The following EPB41L2 variants were observed in gnomAD, a reference collection of about 807,000 sequenced individuals.
EPB41L2 encodes erythrocyte membrane protein band 4.1 like 2.
EPB41L2 carries 43 observed loss-of-function variants against 113.0 expected under a neutral mutation model. That is an observed-to-expected ratio of 0.38 (90% CI 0.30 to 0.49). The LOEUF (loss-of-function observed/expected upper bound fraction) is 0.49, where lower values mean the gene tolerates loss of function less well. Ranked by LOEUF, EPB41L2 falls within the 20% of genes least tolerant of loss-of-function variation. The pLI is 0.95. For missense variants in EPB41L2, 1,147 were observed against 1,223.4 expected (o/e 0.94, Z 0.93); for synonymous variants, 442 against 436.7 (o/e 1.01, Z -0.15).
chr6:130,975,091 C>T (rs1346527946), intron 1 of EPB41L2, among the ~76,000 whole-genome samples: 1 of 152,052 alleles, frequency 6.6e-6, no homozygotes, highest in Non-Finnish European at 1.5e-5. Flanking sequence ...AAAGCACGTC[C>T]AGTGTCATTT....
intron 1 of EPB41L2, among the ~76,000 whole-genome samples, chr6:131,028,422 T>C (rs1350862000): frequency 6.6e-6 from 1 of 152,218 alleles, no homozygotes; most frequent in Non-Finnish European, 1.5e-5. Flanking sequence ...AATATCCCAA[T>C]GTCTGGTGCT....
intron 1 of EPB41L2, among the ~76,000 whole-genome samples, chr6:130,962,579 T>C (rs982443445): frequency 2.0e-5 from 3 of 152,202 alleles, no homozygotes; most frequent in Admixed American, 2.0e-4. Context: ...CACTTGTTTA[T>C]TTATTTTTAA....
At chr6:131,019,424 T>C (rs998808494) in intron 1 of EPB41L2, among the ~76,000 whole-genome samples, 5 of 152,320 alleles carry the variant, frequency 3.3e-5, no homozygotes, top group Non-Finnish European at 7.4e-5. Flanking sequence ...TCTTGTCATA[T>C]TGTACTGCCA....
chr6:130,987,216 G>A (rs768417434), intron 1 of EPB41L2, among the ~76,000 whole-genome samples: 12 of 152,128 alleles, frequency 7.9e-5, no homozygotes, highest in East Asian at 1.9e-4. Context: ...GTGGTCATAC[G>A]TTTTCATTTC....
intron 4 of EPB41L2, among the ~76,000 whole-genome samples, chr6:130,915,315 T>G (rs1172246625): frequency 6.6e-6 from 1 of 152,188 alleles, no homozygotes; most frequent in Non-Finnish European, 1.5e-5. Context: ...AAAAAAAGAA[T>G]ATCAAGTATT....
At chr6:130,846,817 T>G (rs371224420) in intron 19 of EPB41L2, among the ~76,000 whole-genome samples, 8 of 152,204 alleles carry the variant, frequency 5.3e-5, no homozygotes, top group Admixed American at 3.9e-4. Flanking sequence ...GATACTGAGC[T>G]TCATCTGACT....
At chr6:130,930,281 T>G (rs546976830) in intron 3 of EPB41L2, among the ~76,000 whole-genome samples, 1 of 152,324 alleles carries the variant, frequency 6.6e-6, no homozygotes, top group East Asian at 1.9e-4. Flanking sequence ...ACAGAATTTT[T>G]GTTTTAAAGA....
chr6:130,920,321 A>T (rs901208107), intron 4 of EPB41L2, among the ~76,000 whole-genome samples: 3 of 152,224 alleles, frequency 2.0e-5, no homozygotes, highest in African/African-American at 7.2e-5. Flanking sequence ...CAATAGCCAT[A>T]TGCAGCTAAT....
chr6:131,040,888 C>A lies in EPB41L2; in HGVS notation c.-15+22267G>T, dbSNP rs540748856. Among the ~76,000 whole-genome samples the A allele has an allele frequency of 1.2e-4, 18 of 152,270 alleles. No individual in the cohort carries two copies. The South Asian group carries it at 3.3e-3, about 28-fold the overall frequency. Reference sequence around the variant, plus strand: ...AGAGTTTAGACGAATGAATTAAATACCCTCACATAGAAACAATTAAGCCAA... The same window carrying A: ...AGAGTTTAGACGAATGAATTAAATAACCTCACATAGAAACAATTAAGCCAA... On this transcript the variant is annotated intron_variant, in intron 1 of 19. Coordinates refer to ENST00000337057, the MANE Select transcript of EPB41L2 (RefSeq NM_001431.4).
intron 1 of EPB41L2, among the ~76,000 whole-genome samples, chr6:130,971,726 C>T (rs952021586): frequency 6.6e-6 from 1 of 152,218 alleles, no homozygotes; most frequent in Non-Finnish European, 1.5e-5. Flanking sequence ...CCACAGATGA[C>T]TGCAGGTAAC....
chr6:130,851,459 G>A (rs946264896), intron 19 of EPB41L2, among the ~76,000 whole-genome samples: 2 of 152,184 alleles, frequency 1.3e-5, no homozygotes, highest in Non-Finnish European at 2.9e-5. Flanking sequence ...GCAGGTTAAC[G>A]GGTGGGATGT....
intron 3 of EPB41L2, among the ~76,000 whole-genome samples, chr6:130,951,525 T>C (rs1009027712): frequency 1.3e-5 from 2 of 151,204 alleles, no homozygotes; most frequent in African/African-American, 2.4e-5. Flanking sequence ...TGGAGTTTCA[T>C]CATGTTGGTC....
At chr6:130,859,247 C>T (rs1006827777) in intron 18 of EPB41L2, among the ~76,000 whole-genome samples, 1 of 152,158 alleles carries the variant, frequency 6.6e-6, no homozygotes, top group South Asian at 2.1e-4. Context: ...AAAGGCCAGG[C>T]GTGGTGGCTC....
At chr6:130,867,806 A>G in intron 15 of EPB41L2, 1 of 485,718 alleles carries the variant, frequency 2.1e-6, no homozygotes, top group Non-Finnish European at 3.8e-6. Flanking sequence ...AGATACGTAC[A>G]TATATATGAA....
At chr6:130,908,107 T>C (rs562261839) in intron 5 of EPB41L2, among the ~76,000 whole-genome samples, 48 of 152,312 alleles carry the variant, frequency 3.2e-4, no homozygotes, top group African/African-American at 1.1e-3. Context: ...TTATCATGTT[T>C]CTTGGCACAG....
intron 15 of EPB41L2, chr6:130,867,800 A>G (rs1784287277): frequency 2.0e-6 from 1 of 504,510 alleles, no homozygotes; most frequent in Non-Finnish European, 3.6e-6. Context: ...GCACATAGAT[A>G]CGTACATATA....
chr6:131,046,028 C>CCTCCAT lies in EPB41L2; in HGVS notation c.-15+17121_-15+17126dup, dbSNP rs1795390904. ...GTGGCAAGATCATAGCTCACTGTAG[C>CCTCCAT]CTCCATCTCTGGAGTTCAAGGGATC... On this transcript the variant is annotated intron_variant, in intron 1 of 19. Coordinates refer to ENST00000337057, the MANE Select transcript of EPB41L2 (RefSeq NM_001431.4). Among the ~76,000 whole-genome samples the CCTCCAT allele has an allele frequency of 4.0e-5, 6 of 150,208 alleles. No homozygotes were observed. In the South Asian group the frequency reaches 1.3e-3, roughly 32 times the overall value.
chr6:130,923,115 T>C (rs1406598512), intron 4 of EPB41L2, among the ~76,000 whole-genome samples: 2 of 152,182 alleles, frequency 1.3e-5, no homozygotes, highest in African/African-American at 4.8e-5. Context: ...ATTCTTGGTA[T>C]CTGTCATCCT....
At chr6:130,948,361 A>G (rs759349172) in intron 3 of EPB41L2, among the ~76,000 whole-genome samples, 10 of 152,124 alleles carry the variant, frequency 6.6e-5, no homozygotes, top group Admixed American at 1.3e-4. Context: ...TTGTTTTTGT[A>G]TCATTCCAAA....
Sources: allele counts gnomAD v4.1 joint callset (sites outside exome capture counted in the v4.1 genomes callset), GRCh38; gene constraint gnomAD v4.1.1; transcripts MANE v1.5; gene names NCBI Gene and HGNC (gene_info 2026-07-23, HGNC 2026-07-21).